The following EIF2S2 variants were observed in gnomAD, a reference collection of about 807,000 sequenced individuals.
The protein encoded by EIF2S2 is eukaryotic translation initiation factor 2 subunit 2.
EIF2S2 carries 4 observed loss-of-function variants against 44.0 expected under a neutral mutation model. The ratio of observed to expected loss-of-function variants is 0.09; its 90% CI spans 0.04 to 0.21. EIF2S2 has a LOEUF of 0.21. Among genes scored for constraint, EIF2S2 ranks in the 10% least tolerant of loss-of-function variants. The pLI, the probability that EIF2S2 is intolerant of heterozygous loss-of-function variation, is 1.00. For synonymous variants in EIF2S2, 108 were observed against 128.3 expected (o/e 0.84, Z 1.07); for missense variants, 154 against 392.0 (o/e 0.39, Z 5.13).
At position 34,093,827 on chromosome 20, in the gene EIF2S2, A is replaced by G. The variant is rs941431085; in HGVS notation, c.684-96T>C. ...TCATTGTTTTGATCTGTGATTATTT[A>G]GCTATTAAGTGAATTTCACTGCACC... On this transcript the variant is annotated intron_variant, in intron 6 of 8. Coordinates refer to ENST00000374980, the MANE Select transcript of EIF2S2 (RefSeq NM_003908.5). 4 of 1,119,580 alleles carry G rather than the reference A, an allele frequency of 3.6e-6. No individual in the cohort carries two copies. In the African/African-American group the frequency reaches 4.7e-5, roughly 13 times the overall value. The allele number at this position is 1,119,580 out of a possible 1,614,324, so 69.4% of individuals were successfully genotyped here.
intron 6 of EIF2S2, 43 bp downstream of exon 6, chr20:34,096,614 G>C (rs771763874): frequency 6.5e-7 from 1 of 1,538,988 alleles, no homozygotes; most frequent in Non-Finnish European, 8.7e-7. Flanking sequence ...ACTGCAATGA[G>C]AATCTGGCAT....
At chr20:34,103,833 A>T (rs2034320482) in intron 2 of EIF2S2, among the ~76,000 whole-genome samples, 2 of 152,006 alleles carry the variant, frequency 1.3e-5, no homozygotes, top group South Asian at 2.1e-4. Context: ...CAGCCTCCTG[A>T]GTAGCTAGGA....
chr20:34,106,749 T>C (rs938685505), intron 1 of EIF2S2, among the ~76,000 whole-genome samples: 1 of 152,180 alleles, frequency 6.6e-6, no homozygotes, highest in Non-Finnish European at 1.5e-5. Context: ...CTTATTCTTA[T>C]CTAAATGTCC....
intron 8 of EIF2S2, 62 bp downstream of exon 8, chr20:34,090,455 C>T (rs1568710782): frequency 3.7e-6 from 4 of 1,081,872 alleles, no homozygotes; most frequent in Non-Finnish European, 3.9e-6. Flanking sequence ...GGCTCTTCCT[C>T]TAACACTGCA....
intron 3 of EIF2S2, among the ~76,000 whole-genome samples, chr20:34,102,566 C>G (rs912952494): frequency 6.6e-6 from 1 of 152,192 alleles, no homozygotes; most frequent in African/African-American, 2.4e-5. Flanking sequence ...CAATGAATTA[C>G]TGTATACATT....
chr20:34,096,523 G>A, intron 6 of EIF2S2, 134 bp downstream of exon 6: 1 of 846,984 alleles, frequency 1.2e-6, no homozygotes, highest in Non-Finnish European at 1.8e-6. Context: ...GGCTTGAACG[G>A]TGAACTCCCT....
At chr20:34,106,427 CTTTTTTT>C (rs55646105) in intron 1 of EIF2S2, among the ~76,000 whole-genome samples, 2 of 140,906 alleles carry the variant, frequency 1.4e-5, no homozygotes, top group Admixed American at 7.1e-5. Flanking sequence ...ATTAAAGGTT[CTTTTTTT>C]TTTTTTTTTT....
At position 34,093,686 on chromosome 20, in the gene EIF2S2, T is replaced by C. The variant is rs2034195224; in HGVS notation, c.729A>G (p.Glu243=). The change falls in exon 7 of 9, where the codon GAA becomes GAG. Residue 243 remains glutamate, a synonymous_variant. Coordinates refer to ENST00000374980, the MANE Select transcript of EIF2S2 (RefSeq NM_003908.5). ...ATACAGTTTCTTACCTTGTACCCAA[T>C]TCAGCCAACAAAAATGCAAGGAGAT... ...PKHLLAFLLA[E]LGTSGSIDGN... is the part of the protein sequence containing the mutation. 1.2e-6 allele frequency: 2 copies of C among 1,608,930 alleles called. No individual in the cohort carries two copies. Among genetic ancestry groups the C allele is most frequent in the Non-Finnish European group, 1.7e-6 (2 of 1,176,960 alleles).
At chr20:34,103,863 T>C (rs532973003) in intron 2 of EIF2S2, among the ~76,000 whole-genome samples, 1 of 152,134 alleles carries the variant, frequency 6.6e-6, no homozygotes, top group African/African-American at 2.4e-5. Context: ...TGTGCCACCA[T>C]GCCCAGCAAA....
chr20:34,097,583 T>A, intron 4 of EIF2S2, 67 bp from the exon 5 acceptor site: 1 of 1,296,722 alleles, frequency 7.7e-7, no homozygotes, highest in Non-Finnish European at 1.1e-6. Flanking sequence ...GGGGTGGGTC[T>A]AGAGAAATGA....
chr20:34,102,817 C>T (rs1455876075), intron 3 of EIF2S2, among the ~76,000 whole-genome samples: 2 of 152,156 alleles, frequency 1.3e-5, no homozygotes, highest in East Asian at 3.8e-4. Flanking sequence ...GGGAGGAAAA[C>T]AGATCTTCAG....
intron 6 of EIF2S2, among the ~76,000 whole-genome samples, chr20:34,094,941 T>G (rs1189986448): frequency 6.6e-6 from 1 of 152,226 alleles, no homozygotes; most frequent in African/African-American, 2.4e-5. Flanking sequence ...GAGTATGAAC[T>G]GGCACGACCT....
At chr20:34,091,742 GATT>G in intron 7 of EIF2S2, among the ~76,000 whole-genome samples, 1 of 124,180 alleles carries the variant, frequency 8.1e-6, no homozygotes, top group Admixed American at 8.9e-5. Context: ...AACCCCATTG[GATT>G]GTATATATTA....
chr20:34,097,573 G>A lies in EIF2S2; in HGVS notation c.434-57C>T. The A allele has an allele frequency of 4.2e-6, 6 of 1,413,502 alleles. No individual in the cohort carries two copies. The South Asian group carries it at 4.7e-5, about 11-fold the overall frequency. The allele number at this position is 1,413,502 out of a possible 1,614,324, so 87.6% of individuals were successfully genotyped here. On this transcript the variant is annotated intron_variant, in intron 4 of 8. Transcript: ENST00000374980. ...GTGGGCCCTACTACAATACAAAAGT[G>A]GGGTGGGTCTAGAGAAATGAAGAGT...
chr20:34,095,518 TG>T (rs1261097175), intron 6 of EIF2S2, among the ~76,000 whole-genome samples: 3 of 152,214 alleles, frequency 2.0e-5, no homozygotes, highest in African/African-American at 7.2e-5. Context: ...TTCACTATGT[TG>T]GCCAGCCTGG....
At chr20:34,096,948 G>A in intron 5 of EIF2S2, 143 bp from the exon 6 acceptor site, 2 of 893,992 alleles carry the variant, frequency 2.2e-6, no homozygotes, top group Non-Finnish European at 3.4e-6. Flanking sequence ...GGAGCTCCTT[G>A]AGGGCAGAGG....
chr20:34,108,173 A>C (rs1366123837), intron 1 of EIF2S2: 2 of 152,228 alleles, frequency 1.3e-5, no homozygotes, highest in African/African-American at 2.4e-5. Flanking sequence ...GACAGACTGA[A>C]GATGGCAAGG....
chr20:34,105,946 CAG>C (rs1350846277), intron 1 of EIF2S2, among the ~76,000 whole-genome samples: 3 of 152,076 alleles, frequency 2.0e-5, no homozygotes, highest in African/African-American at 7.2e-5. Context: ...TTCTTTGAAA[CAG>C]GGTCTCACTG....
At chr20:34,110,637 C>T (rs902960834) in intron 1 of EIF2S2, among the ~76,000 whole-genome samples, 5 of 152,142 alleles carry the variant, frequency 3.3e-5, no homozygotes, top group African/African-American at 9.7e-5. Context: ...AAGCCTAATC[C>T]CACTGATCCC....
Sources: allele counts gnomAD v4.1 joint callset (sites outside exome capture counted in the v4.1 genomes callset), GRCh38; gene constraint gnomAD v4.1.1; transcripts MANE v1.5; gene names NCBI Gene and HGNC (gene_info 2026-07-23, HGNC 2026-07-21).